ATP12A: variants seen among roughly 807,000 people sequenced by gnomAD.
The protein encoded by ATP12A is ATPase H+/K+ transporting non-gastric alpha2 subunit.
Under a neutral mutation model 111.2 loss-of-function variants are expected in ATP12A, and 81 were observed. The observed-to-expected ratio is 0.73, with a 90% CI of 0.61 to 0.88. The LOEUF is 0.88. Among genes scored for constraint, ATP12A ranks in the 40% least tolerant of loss-of-function variants. The pLI is 0.00. For synonymous variants in ATP12A, 498 were observed against 499.8 expected (o/e 1.00, Z 0.05); for missense variants, 1,196 against 1,313.1 (o/e 0.91, Z 1.38).
intron 14 of ATP12A, among the ~76,000 whole-genome samples, chr13:24,702,563 A>G (rs1053442449): frequency 1.3e-5 from 2 of 152,154 alleles, no homozygotes; most frequent in Non-Finnish European, 2.9e-5. Context: ...GAAGCTTCCT[A>G]AGGAAAGTTT....
At chr13:24,708,960 A>AGAAAGAAAGAAG (rs1491180845) in intron 17 of ATP12A, among the ~76,000 whole-genome samples, 19 of 126,524 alleles carry the variant, frequency 1.5e-4, no homozygotes, top group East Asian at 7.2e-4. Flanking sequence ...AAAGAAAGAA[A>AGAAAGAAAGAAG]GAAGGAAAGA....
At chr13:24,683,082 G>A (rs181568948) in intron 2 of ATP12A, among the ~76,000 whole-genome samples, 6 of 151,618 alleles carry the variant, frequency 4.0e-5, no homozygotes, top group Admixed American at 2.6e-4. Context: ...TCGGCCTCCC[G>A]AGTCACTGGG....
chr13:24,693,509 T>C (rs1488480654), intron 10 of ATP12A, among the ~76,000 whole-genome samples: 4 of 152,202 alleles, frequency 2.6e-5, no homozygotes, highest in Non-Finnish European at 5.9e-5. Flanking sequence ...TCATGAATGC[T>C]CTTTTTGGCC....
chr13:24,708,808 G>GAGAA (rs1361353710), intron 17 of ATP12A, among the ~76,000 whole-genome samples: 1 of 147,162 alleles, frequency 6.8e-6, no homozygotes, highest in Non-Finnish European at 1.5e-5. Flanking sequence ...TTTTAAAAAA[G>GAGAA]AGAAAGAAAG....
In ATP12A at chr13:24,709,724, G is replaced by A. The variant is rs368160174; in HGVS notation, c.2659G>A (p.Val887Ile). 1.9e-4 allele frequency: 307 copies of A among 1,614,220 alleles called. No homozygotes were observed. The highest frequency in any genetic ancestry group is 2.4e-4 in the African/African-American group (18 of 75,056). ...GGGAGCTTTCCTTGTGTATTTCACC[G>A]TCTATGCACAAGAGGGCTTTCTGCC... Reference protein sequence around the residue: ...ALGAFLVYFTVYAQEGFLPRT... With the variant: ...ALGAFLVYFTIYAQEGFLPRT... The change falls in exon 19 of 23, where the codon GTC (valine) becomes ATC (isoleucine). Residue 887 changes from valine (V) to isoleucine (I), a missense_variant. This residue lies in a region of ATP12A where 1,126 missense variants were observed against 1,228.5 expected (regional missense o/e 0.92). Coordinates refer to ENST00000381946, the MANE Select transcript of ATP12A (RefSeq NM_001676.7).
At position 24,680,450 on chromosome 13, in the gene ATP12A, C is replaced by T. The variant is rs775586966; in HGVS notation, c.-294C>T. The T allele has an allele frequency of 5.7e-5, 24 of 423,698 alleles. No individual in the cohort carries two copies. The highest frequency in any genetic ancestry group is 9.2e-5 in the Non-Finnish European group (22 of 238,972). The allele number at this position is 423,698 out of a possible 1,614,324, so 26.2% of individuals were successfully genotyped here. A position where few individuals can be genotyped will look rare whatever the true frequency, so the allele number is the denominator to read the frequency against. On this transcript the variant is annotated 5_prime_UTR_variant, in exon 1 of 23. Coordinates refer to ENST00000381946, the MANE Select transcript of ATP12A (RefSeq NM_001676.7). ...CCGACCCCTAGCTGTCGGTCCCCCT[C>T]CCTGCGCGCGCGCCGGCGGGTTTCC...
intron 13 of ATP12A, 78 bp downstream of exon 13, chr13:24,701,000 G>GA: frequency 6.6e-7 from 1 of 1,506,248 alleles, no homozygotes; most frequent in Non-Finnish European, 9.1e-7. Flanking sequence ...CATAGCAGAT[G>GA]GTCAGTATTT....
At chr13:24,692,369 A>G in intron 8 of ATP12A, 60 bp from the exon 9 acceptor site, 2 of 1,535,128 alleles carry the variant, frequency 1.3e-6, no homozygotes, top group Non-Finnish European at 1.8e-6. Flanking sequence ...CTATTTCTGT[A>G]TTATTGGACC....
At position 24,685,442 on chromosome 13, in the gene ATP12A, C is replaced by CG. The variant is rs890135151; in HGVS notation, c.228+75dup. The CG allele has an allele frequency of 8.5e-6, 13 of 1,531,570 alleles. No individual in the cohort carries two copies. Among genetic ancestry groups the CG allele is most frequent in the Non-Finnish European group, 9.0e-6 (10 of 1,105,678 alleles). The allele number at this position is 1,531,570 out of a possible 1,614,324, so 94.9% of individuals were successfully genotyped here. A position where few individuals can be genotyped will look rare whatever the true frequency, so the allele number is the denominator to read the frequency against. ...TCTACAGAGGGAAGGCTGTGTGTGG[C>CG]GGGGGGCTGTGTGGAAGAGTAGCGG... On this transcript the variant is annotated intron_variant, in intron 3 of 22. Coordinates refer to ENST00000381946, the MANE Select transcript of ATP12A (RefSeq NM_001676.7). The surrounding 1 kb of genome is among the most constrained non-coding windows in gnomAD (Gnocchi z 5.5).
chr13:24,703,843 ATT>A (rs57405320), intron 14 of ATP12A, among the ~76,000 whole-genome samples: 2 of 128,426 alleles, frequency 1.6e-5, no homozygotes, highest in African/African-American at 5.9e-5. Flanking sequence ...ATTTTAGCAG[ATT>A]TTTTTTTTTT....
At chr13:24,701,857 A>G (rs1875411252) in intron 13 of ATP12A, 78 bp from the exon 14 acceptor site, 3 of 1,568,260 alleles carry the variant, frequency 1.9e-6, no homozygotes, top group African/African-American at 2.7e-5. Context: ...ACTACAGAGT[A>G]GGTATTACTG....
chr13:24,691,251 G>A lies in ATP12A; in HGVS notation c.1068+1G>A. Reference sequence around the variant, plus strand: ...CGAGGGCCTCCTGGCCACTGTCACTGTGAGTCCATGCTGTTAGACAGCCTG... The same window carrying A: ...CGAGGGCCTCCTGGCCACTGTCACTATGAGTCCATGCTGTTAGACAGCCTG... On this transcript the variant is annotated splice_donor_variant, in intron 8 of 22. Coordinates refer to ENST00000381946, the MANE Select transcript of ATP12A (RefSeq NM_001676.7). LOFTEE classifies it high-confidence loss of function. The A allele has an allele frequency of 6.2e-7, 1 of 1,609,998 alleles. No individual in the cohort carries two copies. The highest frequency in any genetic ancestry group is 1.1e-5 in the South Asian group (1 of 90,630).
chr13:24,693,378 C>T (rs1874993525), intron 10 of ATP12A, among the ~76,000 whole-genome samples: 1 of 152,094 alleles, frequency 6.6e-6, no homozygotes, highest in Non-Finnish European at 1.5e-5. Flanking sequence ...TCCTCTCCAT[C>T]TCAATGAGTC....
At chr13:24,700,549 TC>T (rs1875348381) in intron 12 of ATP12A, among the ~76,000 whole-genome samples, 197 bp from the exon 13 acceptor site, 1 of 152,224 alleles carries the variant, frequency 6.6e-6, no homozygotes, top group East Asian at 1.9e-4. Context: ...CCTAATGAGC[TC>T]ACAGTGAATT....
chr13:24,687,543 G>A (rs1382736507), intron 3 of ATP12A, among the ~76,000 whole-genome samples: 2 of 152,204 alleles, frequency 1.3e-5, no homozygotes, highest in Non-Finnish European at 2.9e-5. Context: ...CTACAGACTT[G>A]TCCACCAAAG....
chr13:24,696,067 G>A (rs945332318), intron 11 of ATP12A, among the ~76,000 whole-genome samples: 1 of 152,158 alleles, frequency 6.6e-6, no homozygotes, highest in African/African-American at 2.4e-5. Context: ...AAAATAGAGT[G>A]CGCAACAGTC....
At chr13:24,694,920 A>T (rs969140815) in intron 11 of ATP12A, among the ~76,000 whole-genome samples, 2 of 152,054 alleles carry the variant, frequency 1.3e-5, no homozygotes, top group Non-Finnish European at 2.9e-5. Flanking sequence ...TTCTGCCGTG[A>T]GGAGCAGCAG....
intron 12 of ATP12A, 74 bp from the exon 13 acceptor site, chr13:24,700,673 G>C (rs1206002764): frequency 2.1e-6 from 3 of 1,417,828 alleles, no homozygotes; most frequent in Non-Finnish European, 2.9e-6. Context: ...CAAGGTGTAT[G>C]AGCATGTTCT....
At chr13:24,702,642 G>A (rs1875446335) in intron 14 of ATP12A, among the ~76,000 whole-genome samples, 1 of 152,136 alleles carries the variant, frequency 6.6e-6, no homozygotes, top group African/African-American at 2.4e-5. Flanking sequence ...TCATCCAACT[G>A]TACATTCACT....
Sources: allele counts gnomAD v4.1 joint callset (sites outside exome capture counted in the v4.1 genomes callset), GRCh38; gene constraint gnomAD v4.1.1; regional missense constraint gnomAD v4.1.1; non-coding constraint Gnocchi (gnomAD v3.1); transcripts MANE v1.5; gene names NCBI Gene and HGNC (gene_info 2026-07-23, HGNC 2026-07-21).